FTCD: variants seen among roughly 807,000 people sequenced by gnomAD.
FTCD encodes the protein formimidoyltransferase-cyclodeaminase.
In FTCD, 76 loss-of-function variants were observed where a neutral mutation model predicts 62.9. The observed-to-expected ratio is 1.21, with a 90% confidence interval of 1.00 to 1.46. The LOEUF (loss-of-function observed/expected upper bound fraction) is 1.46, where lower values mean the gene tolerates loss of function less well. FTCD is among the 40% of genes most tolerant of loss of function. FTCD has a pLI of 0.00. For synonymous variants in FTCD, 397 were observed against 336.9 expected, an observed-to-expected ratio of 1.18 and a Z score of -1.95; for missense variants, 845 against 751.3, an observed-to-expected ratio of 1.12 and a Z score of -1.46.
At chr21:46,138,059 A>G (rs532060070) in intron 12 of FTCD, among the ~76,000 whole-genome samples, 3 of 151,954 alleles carry the variant, frequency 2.0e-5, no homozygotes, top group South Asian at 2.1e-4. Flanking sequence ...TGCCTGGCTC[A>G]TATGTATCTA....
intron 7 of FTCD, among the ~76,000 whole-genome samples, chr21:46,149,167 A>C (rs781754620): frequency 3.3e-5 from 5 of 152,216 alleles, no homozygotes; most frequent in Non-Finnish European, 7.3e-5. Flanking sequence ...AATTATACAA[A>C]ATGTAAAGTC....
At chr21:46,140,947 A>T (rs2078990470) in intron 10 of FTCD, among the ~76,000 whole-genome samples, 1 of 152,220 alleles carries the variant, frequency 6.6e-6, no homozygotes. Context: ...AGGGAGCGTA[A>T]ACCAATCCAC....
chr21:46,154,097 C>T (rs760619835), intron 2 of FTCD, 52 bp downstream of exon 2: 10 of 1,574,818 alleles, frequency 6.3e-6, no homozygotes, highest in East Asian at 4.5e-5. Context: ...GGACAGGGCT[C>T]GGCCCTGACA....
chr21:46,151,629 G>A lies in FTCD; in HGVS notation c.565C>T (p.Leu189=). 2 of 1,613,110 alleles carry A rather than the reference G, an allele frequency of 1.2e-6. No homozygotes were observed. Among genetic ancestry groups the A allele is most frequent in the Non-Finnish European group, 1.7e-6 (2 of 1,179,972 alleles). Residue 189 remains leucine, a synonymous_variant, in exon 5 of 14, where the codon CTG becomes TTG. Coordinates refer to ENST00000397746, the MANE Select transcript of FTCD (RefSeq NM_206965.2). ...TGGGCTTGCTCCTTTGTGCCGAGCAGGTTGATGTTAAAAGCAATGAGGAAC... is the reference window on the plus strand; with the variant it reads ...TGGGCTTGCTCCTTTGTGCCGAGCAAGTTGATGTTAAAAGCAATGAGGAAC... The part of the protein sequence containing the change: ...RKFLIAFNIN[L]LGTKEQAHRI...
chr21:46,149,492 G>A (rs1297030971), intron 7 of FTCD, among the ~76,000 whole-genome samples: 1 of 152,212 alleles, frequency 6.6e-6, no homozygotes, highest in East Asian at 1.9e-4. Context: ...CCAGTTAAGT[G>A]GATTGTGCTT....
chr21:46,142,371 G>A (rs1032904943), intron 10 of FTCD: 1 of 146,854 alleles, frequency 6.8e-6, no homozygotes. Flanking sequence ...GTGGCGCGTC[G>A]GGAGCTGTTT....
chr21:46,151,440 G>A (rs746555988), intron 5 of FTCD, 118 bp downstream of exon 5: 44 of 938,310 alleles, frequency 4.7e-5, no homozygotes, highest in Non-Finnish European at 6.4e-5. Flanking sequence ...CAGGTGGGAG[G>A]CCGAACCCTG....
At position 46,150,406 on chromosome 21, in the gene FTCD, C is replaced by A; in HGVS notation, c.756G>T (p.Glu252Asp). 6.2e-7 allele frequency: 1 copy of A among 1,612,948 alleles called. No homozygotes were observed. The highest frequency in any genetic ancestry group is 1.7e-4 in the Middle Eastern group (1 of 6,044). The change falls in exon 6 of 14, where the codon GAG becomes GAT. Residue 252 changes from glutamate (E) to aspartate (D), a missense_variant. Glu to Asp is a conservative substitution (Grantham distance 45). Transcript: ENST00000397746. ...GGCTCACCTGTGCTTCTCGGCAGGT[C>A]TCCTCGTAGACCGTGTGCAGTGCCG... ...EVTALHTVYEETCREAQELSL... is the reference protein window; with the variant it reads ...EVTALHTVYEDTCREAQELSL...
intron 10 of FTCD, among the ~76,000 whole-genome samples, chr21:46,141,596 G>C (rs1007686482): frequency 6.6e-6 from 1 of 151,982 alleles, no homozygotes; most frequent in Admixed American, 6.6e-5. Context: ...TATAAAGTCA[G>C]GATTGACACA....
intron 10 of FTCD, among the ~76,000 whole-genome samples, 171 bp downstream of exon 10, chr21:46,145,246 G>A (rs186587417): frequency 2.6e-5 from 4 of 152,334 alleles, no homozygotes; most frequent in Admixed American, 6.5e-5. Flanking sequence ...TTGCCGGGGT[G>A]AGGGCGGTGC....
intron 10 of FTCD, 99 bp from the exon 11 acceptor site, chr21:46,139,022 G>T: frequency 1.1e-6 from 1 of 913,882 alleles, no homozygotes. Flanking sequence ...GCATGTCCCA[G>T]GCAGGGACCA....
intron 12 of FTCD, among the ~76,000 whole-genome samples, chr21:46,137,785 G>A (rs1439682780): frequency 6.6e-6 from 1 of 152,202 alleles, no homozygotes; most frequent in African/African-American, 2.4e-5. Context: ...TAGGGCAGCT[G>A]CAGAAAGTGC....
intron 10 of FTCD, among the ~76,000 whole-genome samples, chr21:46,141,269 G>A (rs2078999295): frequency 6.6e-6 from 1 of 151,786 alleles, no homozygotes; most frequent in African/African-American, 2.4e-5. Context: ...CTGAGTAGCT[G>A]GGACCACAGG....
chr21:46,149,519 C>G (rs1330993135), intron 7 of FTCD, among the ~76,000 whole-genome samples: 1 of 152,176 alleles, frequency 6.6e-6, no homozygotes, highest in East Asian at 1.9e-4. Context: ...AAAAACACAC[C>G]TAAAACAAAG....
chr21:46,143,270 G>C (rs751365385), intron 10 of FTCD, among the ~76,000 whole-genome samples: 17 of 151,800 alleles, frequency 1.1e-4, no homozygotes, highest in Non-Finnish European at 2.1e-4. Flanking sequence ...CCAGAGGCTG[G>C]GGCACATGTT....
chr21:46,145,425 C>T lies in FTCD; in HGVS notation c.1252G>A (p.Ala418Thr), dbSNP rs149792963. The T allele has an allele frequency of 1.0e-5, 16 of 1,551,526 alleles. No individual in the cohort carries two copies. The African/African-American group carries it at 1.8e-4, about 17-fold the overall frequency. The part of the protein sequence containing the change: ...LVDADAEAFT[A>T]YLEAMRLPKN... ...CTGTGGCCGCCACTCACCAGGTAGG[C>T]GGTGAAGGCCTCGGCGTCGGCATCC... Residue 418 changes from alanine to threonine, a missense_variant, in exon 10 of 14, where the codon GCC (alanine) becomes ACC (threonine). Transcript: ENST00000397746.
At chr21:46,151,791 C>T (rs1292978120) in intron 4 of FTCD, 54 bp from the exon 5 acceptor site, 22 of 1,599,770 alleles carry the variant, frequency 1.4e-5, no homozygotes, top group Admixed American at 1.2e-4. Flanking sequence ...GGAACAGCCC[C>T]CCGGGGTCCC....
intron 8 of FTCD, 82 bp from the exon 9 acceptor site, chr21:46,146,029 C>G (rs1020924349): frequency 3.5e-6 from 3 of 868,542 alleles, no homozygotes; most frequent in Non-Finnish European, 5.2e-6. Flanking sequence ...CCAGGCCCCA[C>G]GCCCGTCTGC....
chr21:46,155,189 G>A (rs1185835322), intron 1 of FTCD, among the ~76,000 whole-genome samples: 2 of 152,154 alleles, frequency 1.3e-5, no homozygotes, highest in Non-Finnish European at 2.9e-5. Flanking sequence ...TTGAGGCCCA[G>A]AGATCTGCCC....
Sources: allele counts gnomAD v4.1 joint callset (sites outside exome capture counted in the v4.1 genomes callset), GRCh38; gene constraint gnomAD v4.1.1; transcripts MANE v1.5; gene names NCBI Gene and HGNC (gene_info 2026-07-23, HGNC 2026-07-21).